Variants in STIM1 observed in about 807,000 individuals in gnomAD.
STIM1 encodes stromal interaction molecule 1.
A neutral mutation model predicts 74.7 loss-of-function variants in STIM1; 25 were observed. The observed-to-expected ratio is 0.33, with a 90% CI of 0.24 to 0.47. STIM1 has a LOEUF of 0.47. Ranked by LOEUF, STIM1 falls within the 20% of genes least tolerant of loss-of-function variation. STIM1 has a pLI of 1.00. For synonymous variants in STIM1, 328 were observed against 348.8 expected (o/e 0.94, Z 0.66); for missense variants, 728 against 920.8 (o/e 0.79, Z 2.71).
intron 3 of STIM1, among the ~76,000 whole-genome samples, chr11:4,028,312 T>G (rs1360586057): frequency 6.6e-6 from 1 of 151,972 alleles, no homozygotes; most frequent in Middle Eastern, 3.2e-3. Flanking sequence ...GAACTCCTGA[T>G]CTCAAGTGAT....
At position 3,997,041 on chromosome 11, in the gene STIM1, T is replaced by C. The variant is rs115246292; in HGVS notation, c.271-26832T>C. On this transcript the variant is annotated intron_variant, in intron 2 of 12. Transcript: ENST00000526596. ...TATTCTTTGGCTAGCTTGGATACTT[T>C]GGTTCTGACAGTTTGTAAGACTGGA... 9.6e-3 allele frequency among the ~76,000 whole-genome samples: 1,459 copies of C among 152,346 alleles called. 13 individuals are homozygous for C. Among genetic ancestry groups the C allele is most frequent in the African/African-American group, 0.032 (1,341 of 41,578 alleles).
In STIM1 at chr11:3,967,681, A is replaced by G; in HGVS notation, c.269A>G (p.Glu90Gly). Reference protein sequence around the residue: ...NGDVDVEESDEFLREDLNYHD... With the variant: ...NGDVDVEESDGFLREDLNYHD... Reference sequence around the variant, plus strand: ...GATGTGGATGTGGAAGAAAGTGATGAGGTGAGCTCTCCCATCCTGCTATGT... The same window carrying G: ...GATGTGGATGTGGAAGAAAGTGATGGGGTGAGCTCTCCCATCCTGCTATGT... Residue 90 changes from glutamate (E) to glycine (G), a missense_variant and splice_region_variant, in exon 2 of 13, where the codon GAG becomes GGG. Around this residue, in one of 5 missense-constraint regions of STIM1, gnomAD observed 51 missense variants for 101.1 expected, o/e 0.50. Coordinates refer to ENST00000526596, the MANE Select transcript of STIM1 (RefSeq NM_001382567.1). The G allele has an allele frequency of 6.2e-7, 1 of 1,614,196 alleles. No homozygotes were observed. Among genetic ancestry groups the G allele is most frequent in the African/African-American group, 1.3e-5 (1 of 75,072 alleles).
intron 1 of STIM1, among the ~76,000 whole-genome samples, chr11:3,928,621 G>A (rs965109225): frequency 6.6e-6 from 1 of 152,098 alleles, no homozygotes; most frequent in Non-Finnish European, 1.5e-5. Flanking sequence ...GTGTGTGCAT[G>A]TGTATGCATC....
At chr11:3,994,582 C>T (rs1293873936) in intron 2 of STIM1, among the ~76,000 whole-genome samples, 1 of 151,546 alleles carries the variant, frequency 6.6e-6, no homozygotes, top group African/African-American at 2.4e-5. Flanking sequence ...TCTCAGCCTC[C>T]CCAAGTAGCT....
chr11:3,890,198 T>C (rs2091853721), intron 1 of STIM1, among the ~76,000 whole-genome samples: 1 of 152,240 alleles, frequency 6.6e-6, no homozygotes. Context: ...TTAGTGGCAT[T>C]ATCTGTAAAA....
chr11:3,878,877 T>TA (rs1312018805), intron 1 of STIM1, among the ~76,000 whole-genome samples: 1 of 152,170 alleles, frequency 6.6e-6, no homozygotes, highest in Non-Finnish European at 1.5e-5. Context: ...AGTTTGGCCT[T>TA]ATCGTGCCTA....
At chr11:3,920,958 G>A (rs1365059616) in intron 1 of STIM1, among the ~76,000 whole-genome samples, 3 of 151,968 alleles carry the variant, frequency 2.0e-5, no homozygotes, top group African/African-American at 7.3e-5. Flanking sequence ...ACTACGCATG[G>A]CTAATTTTTG....
At chr11:4,086,855 G>A in intron 12 of STIM1, 1 of 1,531,104 alleles carries the variant, frequency 6.5e-7, no homozygotes, top group Non-Finnish European at 8.8e-7. Context: ...CATTCAGAGA[G>A]CTTGGGGTAT....
At chr11:3,887,692 G>A (rs2091760570) in intron 1 of STIM1, among the ~76,000 whole-genome samples, 1 of 152,146 alleles carries the variant, frequency 6.6e-6, no homozygotes, top group South Asian at 2.1e-4. Context: ...TCTGTGGCCA[G>A]GCGCAATGGC....
intron 7 of STIM1, among the ~76,000 whole-genome samples, chr11:4,078,791 G>A (rs977257922): frequency 6.6e-6 from 1 of 151,292 alleles, no homozygotes; most frequent in African/African-American, 2.4e-5. Context: ...GGCTGGTCTC[G>A]AACTCCTGAC....
At chr11:3,933,354 A>G (rs1234962757) in intron 1 of STIM1, among the ~76,000 whole-genome samples, 2 of 152,174 alleles carry the variant, frequency 1.3e-5, no homozygotes, top group Non-Finnish European at 2.9e-5. Context: ...TCTTTATTTC[A>G]TTTAATACTC....
At chr11:4,069,844 T>G (rs2094392618) in intron 5 of STIM1, among the ~76,000 whole-genome samples, 182 bp from the exon 6 acceptor site, 3 of 152,204 alleles carry the variant, frequency 2.0e-5, no homozygotes, top group Admixed American at 6.5e-5. Flanking sequence ...AGCAGAGAGA[T>G]AGACATAGAG....
chr11:4,078,084 G>T (rs989157755), intron 7 of STIM1, among the ~76,000 whole-genome samples: 1 of 151,938 alleles, frequency 6.6e-6, no homozygotes, highest in Non-Finnish European at 1.5e-5. Flanking sequence ...TTTATTACAT[G>T]CTGGACAGTG....
At chr11:4,075,295 C>T (rs906809237) in intron 7 of STIM1, among the ~76,000 whole-genome samples, 21 of 152,130 alleles carry the variant, frequency 1.4e-4, no homozygotes, top group African/African-American at 5.1e-4. Flanking sequence ...ATACAGCTGG[C>T]AAGCTTTTGC....
intron 2 of STIM1, 131 bp downstream of exon 2, chr11:3,967,813 C>G (rs938832046): frequency 3.0e-6 from 4 of 1,333,516 alleles, no homozygotes; most frequent in Non-Finnish European, 4.2e-6. Context: ...TCATCCCTAT[C>G]AGGGAAGATG....
intron 1 of STIM1, among the ~76,000 whole-genome samples, chr11:3,903,107 C>A (rs1282274717): frequency 6.6e-6 from 1 of 151,718 alleles, no homozygotes; most frequent in African/African-American, 2.4e-5. Context: ...ATCTTTGTAC[C>A]AACCCTATGA....
chr11:3,855,534 G>A (rs1241464574), upstream of STIM1: 1 of 150,634 alleles, frequency 6.6e-6, no homozygotes, highest in Non-Finnish European at 1.5e-5. Context: ...CGTCTTCACC[G>A]GTTATTCCGG....
chr11:3,962,641 TC>T (rs2093299647), intron 1 of STIM1, among the ~76,000 whole-genome samples: 1 of 152,154 alleles, frequency 6.6e-6, no homozygotes, highest in Admixed American at 6.5e-5. Context: ...CTAATTTTGG[TC>T]CTTTGGGAGA....
At chr11:3,937,424 C>T (rs549954962) in intron 1 of STIM1, among the ~76,000 whole-genome samples, 15 of 152,212 alleles carry the variant, frequency 9.9e-5, no homozygotes, top group African/African-American at 3.6e-4. Flanking sequence ...ACTCTAAGGG[C>T]TTATTCAATC....
Sources: allele counts gnomAD v4.1 joint callset (sites outside exome capture counted in the v4.1 genomes callset), GRCh38; gene constraint gnomAD v4.1.1; regional missense constraint gnomAD v4.1.1; transcripts MANE v1.5; gene names NCBI Gene and HGNC (gene_info 2026-07-23, HGNC 2026-07-21).